Variants in RASA1 observed in about 807,000 individuals in gnomAD.
RASA1 encodes the protein RAS p21 protein activator 1.
RASA1 carries 25 observed loss-of-function variants against 132.2 expected under a neutral mutation model. The ratio of observed to expected loss-of-function variants is 0.19; its 90% CI spans 0.14 to 0.26. RASA1 has a LOEUF of 0.26. RASA1 is among the 10% of genes least tolerant of loss of function. The pLI, the probability that RASA1 is intolerant of heterozygous loss-of-function variation, is 1.00. For synonymous variants in RASA1, 477 were observed against 449.9 expected, an observed-to-expected ratio of 1.06 and a Z score of -0.76; for missense variants, 964 against 1,299.2, an observed-to-expected ratio of 0.74 and a Z score of 3.97.
intron 12 of RASA1, among the ~76,000 whole-genome samples, chr5:87,371,265 C>A (rs1025328963): frequency 2.0e-5 from 3 of 151,866 alleles, no homozygotes; most frequent in African/African-American, 7.3e-5. Context: ...GTGGGGGTCT[C>A]TGGTTATTCT....
chr5:87,391,060 T>C lies in RASA1; in HGVS notation c.*177T>C. 2.9e-6 allele frequency: 2 copies of C among 698,438 alleles called. No individual in the cohort carries two copies. Among genetic ancestry groups the C allele is most frequent in the South Asian group, 3.2e-5 (2 of 62,368 alleles). The allele number at this position is 698,438 out of a possible 1,614,324, so 43.3% of individuals were successfully genotyped here. A position where few individuals can be genotyped will look rare whatever the true frequency, so the allele number is the denominator to read the frequency against. Reference sequence around the variant, plus strand: ...TGGTGAATAACTATGCCAGCAACCTTGTAAGCTATCTGTGCAGGATATTTG... The same window carrying C: ...TGGTGAATAACTATGCCAGCAACCTCGTAAGCTATCTGTGCAGGATATTTG... On this transcript the variant is annotated 3_prime_UTR_variant, in exon 25 of 25. Transcript: ENST00000274376.
At chr5:87,338,533 A>ATATATATATATATATATATATAT (rs1491365794) in intron 5 of RASA1, among the ~76,000 whole-genome samples, 14 of 91,290 alleles carry the variant, frequency 1.5e-4, no homozygotes, top group East Asian at 4.3e-4. Context: ...ATATATATAT[A>ATATATATATATATATATATATAT]AAATTTTTTT....
At chr5:87,288,853 A>G (rs1313840355) in intron 1 of RASA1, among the ~76,000 whole-genome samples, 1 of 152,192 alleles carries the variant, frequency 6.6e-6, no homozygotes, top group Non-Finnish European at 1.5e-5. Flanking sequence ...ACACATGTAT[A>G]TATTACTTTT....
chr5:87,365,189 G>T (rs904751752), intron 11 of RASA1, among the ~76,000 whole-genome samples: 2 of 152,090 alleles, frequency 1.3e-5, no homozygotes, highest in Non-Finnish European at 1.5e-5. Context: ...CAGTATAGGT[G>T]TCCCCTGAGA....
At chr5:87,289,399 T>G (rs1754816832) in intron 1 of RASA1, among the ~76,000 whole-genome samples, 1 of 152,200 alleles carries the variant, frequency 6.6e-6, no homozygotes. Flanking sequence ...TTGGTTTTAA[T>G]AGCCGTTGAT....
At chr5:87,317,075 G>T (rs1315636798) in intron 1 of RASA1, among the ~76,000 whole-genome samples, 1 of 152,034 alleles carries the variant, frequency 6.6e-6, no homozygotes, top group African/African-American at 2.4e-5. Flanking sequence ...TAGAGTTGGG[G>T]TTTTACCTTG....
chr5:87,307,995 C>G (rs1755699288), intron 1 of RASA1, among the ~76,000 whole-genome samples: 1 of 152,110 alleles, frequency 6.6e-6, no homozygotes, highest in African/African-American at 2.4e-5. Context: ...CTGCAGTTTG[C>G]TATGCAGTCT....
At chr5:87,350,747 T>C (rs113820016) in intron 8 of RASA1, among the ~76,000 whole-genome samples, 1 of 151,746 alleles carries the variant, frequency 6.6e-6, no homozygotes, top group Non-Finnish European at 1.5e-5. Context: ...TGTATGTTAA[T>C]TTAGTGGCCT....
At chr5:87,340,184 T>C (rs1758335816) in intron 5 of RASA1, among the ~76,000 whole-genome samples, 1 of 152,154 alleles carries the variant, frequency 6.6e-6, no homozygotes, top group Admixed American at 6.5e-5. Context: ...ATAGATTGCC[T>C]TGTAAAATTT....
chr5:87,274,567 A>G (rs962305921), intron 1 of RASA1, among the ~76,000 whole-genome samples: 1 of 152,122 alleles, frequency 6.6e-6, no homozygotes, highest in African/African-American at 2.4e-5. Context: ...AAGGGTTGCA[A>G]GAGTAAAATG....
intron 1 of RASA1, among the ~76,000 whole-genome samples, chr5:87,302,070 G>T (rs1441500496): frequency 6.6e-6 from 1 of 152,056 alleles, no homozygotes; most frequent in Non-Finnish European, 1.5e-5. Flanking sequence ...GATTAGAATT[G>T]CTGGGTCATA....
chr5:87,301,693 C>T (rs1755371988), intron 1 of RASA1, among the ~76,000 whole-genome samples: 1 of 152,092 alleles, frequency 6.6e-6, no homozygotes, highest in Admixed American at 6.5e-5. Context: ...CATCCTTAAT[C>T]TGAAATCCAG....
At chr5:87,346,152 CCTT>C (rs1278477630) in intron 6 of RASA1, among the ~76,000 whole-genome samples, 1 of 151,962 alleles carries the variant, frequency 6.6e-6, no homozygotes, top group Non-Finnish European at 1.5e-5. Flanking sequence ...AACACTAAGT[CCTT>C]CTTTTCTTTC....
rs748595722 is a variant in RASA1, at chr5:87,358,593, G to A, written c.1333-3958G>A. ...TTTGTCCCCTTATGCTGCATGCTGC[G>A]CAGCAGTCACTGGGATCCATTTAAA... On this transcript the variant is annotated intron_variant, in intron 9 of 24. Transcript: ENST00000274376. 2.0e-5 allele frequency among the ~76,000 whole-genome samples: 3 copies of A among 152,092 alleles called. 1 individual carries two copies. Among genetic ancestry groups the A allele is most frequent in the South Asian group, 4.1e-4 (2 of 4,828 alleles).
intron 1 of RASA1, among the ~76,000 whole-genome samples, chr5:87,273,462 C>A (rs1006260698): frequency 6.6e-6 from 1 of 151,838 alleles, no homozygotes; most frequent in Non-Finnish European, 1.5e-5. Flanking sequence ...TTTGGAGTTT[C>A]TTTTCATGGT....
At chr5:87,304,688 G>A (rs1561267626) in intron 1 of RASA1, among the ~76,000 whole-genome samples, 3 of 151,922 alleles carry the variant, frequency 2.0e-5, no homozygotes, top group Non-Finnish European at 2.9e-5. Context: ...GGCTGGTCTT[G>A]AACTCCTGAC....
At chr5:87,327,085 A>G (rs1317911678) in intron 1 of RASA1, among the ~76,000 whole-genome samples, 1 of 152,200 alleles carries the variant, frequency 6.6e-6, no homozygotes, top group Non-Finnish European at 1.5e-5. Flanking sequence ...ATATTAATTA[A>G]GCTAATATTT....
At chr5:87,343,517 A>G (rs995119921) in intron 6 of RASA1, among the ~76,000 whole-genome samples, 1 of 152,194 alleles carries the variant, frequency 6.6e-6, no homozygotes, top group African/African-American at 2.4e-5. Flanking sequence ...AACTACAATG[A>G]GATTTCATTT....
intron 19 of RASA1, among the ~76,000 whole-genome samples, chr5:87,380,168 C>G (rs1268934653): frequency 6.6e-6 from 1 of 152,060 alleles, no homozygotes; most frequent in Non-Finnish European, 1.5e-5. Context: ...ACTAATCACT[C>G]TGTTAATATG....
Sources: gnomAD v4.1 joint callset for allele counts (sites outside exome capture counted in the v4.1 genomes callset) on GRCh38, gnomAD v4.1.1 for gene constraint, MANE v1.5 for transcripts, NCBI Gene and HGNC (gene_info 2026-07-23, HGNC 2026-07-21) for gene names.